The following FLT1 variants were observed in gnomAD, a reference collection of about 807,000 sequenced individuals.
FLT1 encodes the protein vascular endothelial growth factor receptor 1.
A neutral mutation model predicts 156.3 loss-of-function variants in FLT1; 49 were observed. That is an observed-to-expected ratio of 0.31 (90% CI 0.25 to 0.40). The LOEUF (loss-of-function observed/expected upper bound fraction) is 0.40. FLT1 is among the 10% of genes least tolerant of loss of function. The pLI is 1.00. For synonymous variants in FLT1, 594 were observed against 583.8 expected, an observed-to-expected ratio of 1.02 and a Z score of -0.25; for missense variants, 1,322 against 1,637.2, an observed-to-expected ratio of 0.81 and a Z score of 3.32.
At chr13:28,368,874 T>C (rs1264170547) in intron 14 of FLT1, among the ~76,000 whole-genome samples, 1 of 151,868 alleles carries the variant, frequency 6.6e-6, no homozygotes, top group Admixed American at 6.6e-5. Flanking sequence ...CCGGCTAATT[T>C]TTGTGTTTTT....
chr13:28,427,619 C>T (rs1318634893), intron 9 of FLT1, 133 bp downstream of exon 9: 3 of 838,292 alleles, frequency 3.6e-6, no homozygotes, highest in Non-Finnish European at 6.1e-6. Flanking sequence ...GGGAACTTAA[C>T]GTTAAGTGTT....
intron 3 of FLT1, among the ~76,000 whole-genome samples, chr13:28,453,880 C>T (rs575478207): frequency 1.3e-5 from 2 of 152,294 alleles, no homozygotes; most frequent in East Asian, 1.9e-4. Flanking sequence ...GAACTCAGTC[C>T]TGTCCGTAGA....
intron 10 of FLT1, among the ~76,000 whole-genome samples, chr13:28,413,679 G>A (rs1252037849): frequency 1.3e-5 from 2 of 152,132 alleles, no homozygotes; most frequent in African/African-American, 4.8e-5. Context: ...TAAAATAGTA[G>A]CTGCATTCAC....
Position 28,303,025 on chromosome 13 carries a change from C to G in FLT1, c.*142G>C. The G allele has an allele frequency of 3.0e-6, 2 of 670,842 alleles. No individual in the cohort carries two copies. Among genetic ancestry groups the G allele is most frequent in the South Asian group, 3.9e-5 (2 of 51,404 alleles). 41.6% of individuals were successfully genotyped at this position (670,842 alleles called of 1,614,324 possible). On this transcript the variant is annotated 3_prime_UTR_variant, in exon 30 of 30. Coordinates refer to ENST00000282397, the MANE Select transcript of FLT1 (RefSeq NM_002019.4). ...CTTGTTAGTCAAAAAAAAAAAAGCA[C>G]TATTAAAAAAATCACAAAAAGCAGC...
At chr13:28,412,323 T>TTC (rs1876263970) in intron 10 of FLT1, among the ~76,000 whole-genome samples, 2 of 37,060 alleles carry the variant, frequency 5.4e-5, no homozygotes, top group Admixed American at 3.8e-4. Flanking sequence ...CTTTCTTTCT[T>TTC]TCTTTCTTTT....
intron 12 of FLT1, among the ~76,000 whole-genome samples, chr13:28,392,473 T>C (rs998218660): frequency 6.6e-6 from 1 of 152,222 alleles, no homozygotes; most frequent in Non-Finnish European, 1.5e-5. Context: ...TGCAATCAAC[T>C]CTTACAAGAC....
At chr13:28,317,450 G>T in intron 25 of FLT1, 48 bp downstream of exon 25, 2 of 1,184,464 alleles carry the variant, frequency 1.7e-6, no homozygotes, top group Non-Finnish European at 2.5e-6. Context: ...GAATGCCCTG[G>T]TGAAAAGCGA....
chr13:28,362,599 G>A (rs972271274), intron 14 of FLT1, among the ~76,000 whole-genome samples: 14 of 152,022 alleles, frequency 9.2e-5, no homozygotes, highest in African/African-American at 2.9e-4. Context: ...TGGGCAGATC[G>A]CTTGAGCCTA....
At chr13:28,468,909 G>A (rs922333588) in intron 1 of FLT1, among the ~76,000 whole-genome samples, 3 of 152,222 alleles carry the variant, frequency 2.0e-5, no homozygotes, top group South Asian at 2.1e-4. Flanking sequence ...CTAACAGACA[G>A]CCTCATGATT....
chr13:28,384,202 G>A (rs1456839604), intron 14 of FLT1, among the ~76,000 whole-genome samples: 2 of 152,194 alleles, frequency 1.3e-5, no homozygotes, highest in Admixed American at 6.5e-5. Context: ...GGGAGGCCAA[G>A]GCAGGTGGAT....
intron 29 of FLT1, among the ~76,000 whole-genome samples, chr13:28,306,366 G>A (rs73158128): frequency 3.1e-3 from 475 of 152,226 alleles, no homozygotes; most frequent in Middle Eastern, 0.01. Flanking sequence ...CGCCGGGAGC[G>A]TGTCTCTGTC....
chr13:28,421,665 A>G (rs1877010914), intron 10 of FLT1, among the ~76,000 whole-genome samples: 1 of 152,186 alleles, frequency 6.6e-6, no homozygotes, highest in South Asian at 2.1e-4. Context: ...TTTTCTGTTA[A>G]TTTGTTACCG....
At chr13:28,450,795 C>T (rs1225840808) in intron 3 of FLT1, among the ~76,000 whole-genome samples, 4 of 152,104 alleles carry the variant, frequency 2.6e-5, no homozygotes, top group Non-Finnish European at 5.9e-5. Flanking sequence ...AGAGACTGTC[C>T]CACAAGCACA....
intron 10 of FLT1, among the ~76,000 whole-genome samples, chr13:28,410,398 C>T (rs1378795112): frequency 6.6e-6 from 1 of 152,212 alleles, no homozygotes; most frequent in Non-Finnish European, 1.5e-5. Context: ...GATGGTTCAA[C>T]ACTTCATTTA....
chr13:28,338,793 G>C (rs1872216948), intron 17 of FLT1, among the ~76,000 whole-genome samples: 1 of 152,080 alleles, frequency 6.6e-6, no homozygotes, highest in Admixed American at 6.5e-5. Context: ...CATTATGTAA[G>C]CGTGCGTGTA....
rs190605705 is a variant in FLT1, at chr13:28,465,507, T to C, written c.388+1396A>G. On this transcript the variant is annotated intron_variant, in intron 3 of 29. Transcript: ENST00000282397. ...GAATTTGGATATGTACATGTTATGCTCAGGGAAAAACACTGTCTAGTTGCC... is the reference window on the plus strand; with the variant it reads ...GAATTTGGATATGTACATGTTATGCCCAGGGAAAAACACTGTCTAGTTGCC... Among the ~76,000 whole-genome samples, 171 of 152,206 alleles carry C rather than the reference T, an allele frequency of 1.1e-3. 1 individual carries two copies. The highest frequency in any genetic ancestry group is 1.5e-4 in the Non-Finnish European group (10 of 68,012).
chr13:28,418,797 C>T (rs928366932), intron 10 of FLT1, among the ~76,000 whole-genome samples: 8 of 152,072 alleles, frequency 5.3e-5, no homozygotes, highest in Non-Finnish European at 1.2e-4. Context: ...GTCTCTGCAA[C>T]TCCTGGGCTC....
At chr13:28,430,603 T>C (rs1877624235) in intron 7 of FLT1, among the ~76,000 whole-genome samples, 1 of 152,184 alleles carries the variant, frequency 6.6e-6, no homozygotes, top group African/African-American at 2.4e-5. Flanking sequence ...TGTTCCATAG[T>C]TTCTGCCCTC....
At chr13:28,421,056 G>A in intron 10 of FLT1, among the ~76,000 whole-genome samples, 1 of 150,884 alleles carries the variant, frequency 6.6e-6, no homozygotes, top group Non-Finnish European at 1.5e-5. Context: ...GCTTTCTCTT[G>A]ACACCATCCA....
Sources: allele counts gnomAD v4.1 joint callset (sites outside exome capture counted in the v4.1 genomes callset), GRCh38; gene constraint gnomAD v4.1.1; transcripts MANE v1.5; gene names NCBI Gene and HGNC (gene_info 2026-07-23, HGNC 2026-07-21).